The following ANOS1 variants were observed in gnomAD, a reference collection of about 807,000 sequenced individuals.
The protein encoded by ANOS1 is anosmin 1.
In ANOS1, 6 loss-of-function variants were observed where a neutral mutation model predicts 59.0. The observed-to-expected ratio is 0.10, with a 90% CI of 0.06 to 0.20. The LOEUF (loss-of-function observed/expected upper bound fraction) is 0.20. Ranked by LOEUF, ANOS1 falls within the 10% of genes least tolerant of loss-of-function variation. The pLI is 1.00. For synonymous variants in ANOS1, 217 were observed against 223.4 expected, an observed-to-expected ratio of 0.97 and a Z score of 0.25; for missense variants, 433 against 542.3, an observed-to-expected ratio of 0.80 and a Z score of 2.00.
At chrX:8,683,701 T>C (rs931752553) in intron 2 of ANOS1, among the ~76,000 whole-genome samples, 7 of 111,893 alleles carry the variant, frequency 6.3e-5, no homozygotes, top group Admixed American at 1.9e-4. Context: ...ATTATGGTGA[T>C]TGTGAAAGAG....
intron 8 of ANOS1, among the ~76,000 whole-genome samples, chrX:8,560,178 C>T (rs1042884650): frequency 9.0e-6 from 1 of 110,959 alleles, no homozygotes; most frequent in African/African-American, 3.3e-5. Flanking sequence ...CACCATTGCC[C>T]AGATTGGTCT....
Position 8,536,778 on chromosome X carries a change from G to A in ANOS1, c.1614C>T (p.Gly538=), listed in dbSNP as rs1487125805. 8.3e-6 allele frequency: 10 copies of A among 1,206,317 alleles called. No homozygotes were observed. The highest frequency in any genetic ancestry group is 4.6e-4 in the Middle Eastern group (2 of 4,340). The change falls in exon 11 of 14, where the codon GGC becomes GGT. Residue 538 remains glycine (G), a synonymous_variant. Coordinates refer to ENST00000262648, the MANE Select transcript of ANOS1 (RefSeq NM_000216.4). ...CTTCAGGTGAAAACGTACCTGCTTC[G>A]CCCAGGCAGCCAACAGGCTTGTGGC... ...GKSHKPVGCL[G]EAGHVLSKVL...
chrX:8,701,510 G>A (rs976851141), intron 1 of ANOS1, among the ~76,000 whole-genome samples: 4 of 111,760 alleles, frequency 3.6e-5, no homozygotes, highest in Non-Finnish European at 7.5e-5. Flanking sequence ...AAAGAAACCT[G>A]TACCTATTTG....
intron 8 of ANOS1, chrX:8,565,976 G>A (rs1410155578): frequency 1.7e-5 from 13 of 750,600 alleles, no homozygotes; most frequent in Middle Eastern, 1.5e-3. Flanking sequence ...GACCTCCAGG[G>A]GAGAGACCAG....
intron 1 of ANOS1, among the ~76,000 whole-genome samples, chrX:8,710,885 T>C (rs138546077): frequency 3.4e-4 from 38 of 112,082 alleles, no homozygotes; most frequent in Non-Finnish European, 6.0e-4. Context: ...AAAAACACAA[T>C]GCAGGGACCA....
intron 2 of ANOS1, among the ~76,000 whole-genome samples, chrX:8,694,048 G>A (rs768793588): frequency 9.0e-6 from 1 of 111,130 alleles, no homozygotes; most frequent in African/African-American, 3.3e-5. Context: ...TTTTAAGAAT[G>A]GATGAAGTAA....
At chrX:8,654,342 T>G (rs1931896679) in intron 2 of ANOS1, among the ~76,000 whole-genome samples, 1 of 112,251 alleles carries the variant, frequency 8.9e-6, no homozygotes, top group African/African-American at 3.2e-5. Flanking sequence ...AGGAATAGAA[T>G]TCCATAAAAG....
intron 2 of ANOS1, among the ~76,000 whole-genome samples, chrX:8,664,267 T>C (rs1233968470): frequency 3.6e-5 from 4 of 111,961 alleles, no homozygotes; most frequent in African/African-American, 1.3e-4. Context: ...CTTGGCTCAC[T>C]GCAAGCTCTG....
intron 2 of ANOS1, among the ~76,000 whole-genome samples, chrX:8,626,734 G>A (rs945648838): frequency 7.4e-5 from 8 of 107,880 alleles, no homozygotes; most frequent in African/African-American, 2.7e-4. Context: ...GGTGGCGGGC[G>A]CCTGTAGTCC....
chrX:8,652,526 A>G (rs1396919404), intron 2 of ANOS1, among the ~76,000 whole-genome samples: 1 of 112,035 alleles, frequency 8.9e-6, no homozygotes, highest in African/African-American at 3.2e-5. Context: ...CAATTCCTAC[A>G]ATGCAAGTAT....
At chrX:8,672,165 TAC>T (rs111374928) in intron 2 of ANOS1, among the ~76,000 whole-genome samples, 4,182 of 101,215 alleles carry the variant, frequency 0.041, 197 homozygotes, top group African/African-American at 0.14. Flanking sequence ...CACATGCACA[TAC>T]ACACACACAC....
rs370127964 is a variant in ANOS1 at position 8,666,248 on chromosome X, C to A, written c.255+33450G>T. ...AAAAGAAAAAAATCCCAAATTTTAACCTTATTATATAATCTTTGATGTATA... is the reference window on the plus strand; with the variant it reads ...AAAAGAAAAAAATCCCAAATTTTAAACTTATTATATAATCTTTGATGTATA... On this transcript the variant is annotated intron_variant, in intron 2 of 13. Transcript: ENST00000262648. Among the ~76,000 whole-genome samples, 10 of 110,943 alleles carry A rather than the reference C, an allele frequency of 9.0e-5. No homozygotes were observed. In the East Asian group the frequency reaches 2.8e-3, roughly 31 times the overall value.
At chrX:8,700,517 A>C (rs1177752772) in intron 1 of ANOS1, among the ~76,000 whole-genome samples, 1 of 111,796 alleles carries the variant, frequency 8.9e-6, no homozygotes, top group African/African-American at 3.3e-5. Flanking sequence ...AGATTTGGGC[A>C]GGCACACAAA....
intron 2 of ANOS1, among the ~76,000 whole-genome samples, chrX:8,637,491 A>G (rs1931591274): frequency 8.9e-6 from 1 of 112,053 alleles, no homozygotes; most frequent in Non-Finnish European, 1.9e-5. Context: ...AGTAGCTCAC[A>G]TTACCTAGAC....
intron 10 of ANOS1, among the ~76,000 whole-genome samples, chrX:8,537,886 G>A (rs1929623868): frequency 9.0e-6 from 1 of 110,794 alleles, no homozygotes; most frequent in South Asian, 3.8e-4. Context: ...CAGCGTTGAC[G>A]GGAAAAACAT....
intron 3 of ANOS1, among the ~76,000 whole-genome samples, chrX:8,598,638 A>T (rs749529099): frequency 1.6e-4 from 18 of 111,860 alleles, no homozygotes; most frequent in African/African-American, 5.8e-4. Context: ...GGCTGAAAAG[A>T]TGATCACCAT....
chrX:8,633,177 C>T (rs1043957002), intron 2 of ANOS1, among the ~76,000 whole-genome samples: 1 of 111,736 alleles, frequency 8.9e-6, no homozygotes, highest in African/African-American at 3.3e-5. Context: ...ACAACCACAA[C>T]AGCATCAGGC....
chrX:8,608,358 C>T (rs1416654710), intron 3 of ANOS1, among the ~76,000 whole-genome samples: 1 of 111,413 alleles, frequency 9.0e-6, no homozygotes. Flanking sequence ...TAAATAATTT[C>T]TTTTAAAGAG....
At chrX:8,617,632 T>G (rs188192915) in intron 3 of ANOS1, among the ~76,000 whole-genome samples, 83 of 110,211 alleles carry the variant, frequency 7.5e-4, no homozygotes, top group African/African-American at 2.5e-3. Context: ...AATACAAAAA[T>G]TAGCTGGGCA....
Sources: gnomAD v4.1 joint callset for allele counts (sites outside exome capture counted in the v4.1 genomes callset) on GRCh38, gnomAD v4.1.1 for gene constraint, MANE v1.5 for transcripts, NCBI Gene and HGNC (gene_info 2026-07-23, HGNC 2026-07-21) for gene names.